PDK1: variants seen among roughly 807,000 people sequenced by gnomAD.
The protein encoded by PDK1 is pyruvate dehydrogenase kinase 1.
PDK1 carries 39 observed loss-of-function variants against 54.2 expected under a neutral mutation model. That is an observed-to-expected ratio of 0.72 (90% CI 0.56 to 0.94). PDK1 has a LOEUF of 0.94. Ranked by LOEUF, PDK1 falls within the 40% of genes least tolerant of loss-of-function variation. The pLI is 0.00. For missense variants in PDK1, 552 were observed against 566.0 expected, an observed-to-expected ratio of 0.98 and a Z score of 0.25; for synonymous variants, 221 against 207.1, an observed-to-expected ratio of 1.07 and a Z score of -0.58.
At chr2:172,701,643 GTTTTGTTT>G in the PDK1 span, among the ~76,000 whole-genome samples, 7 of 47,428 alleles carry the variant, frequency 1.5e-4, no homozygotes, top group African/African-American at 6.9e-4. Context: ...TTTTTTTTTT[GTTTTGTTT>G]TTTTTTTTTT....
Position 172,556,222 on chromosome 2 carries a change from C to T in PDK1, c.72C>T (p.Phe24=), listed in dbSNP as rs1051781294. 17 of 1,432,002 alleles carry T rather than the reference C, an allele frequency of 1.2e-5. No individual in the cohort carries two copies. The African/African-American group carries it at 2.4e-4, about 20-fold the overall frequency. 88.7% of individuals were successfully genotyped at this position (1,432,002 alleles called of 1,614,324 possible). The change falls in exon 1 of 11, where the codon TTC becomes TTT. Residue 24 remains phenylalanine (F), a synonymous_variant. Coordinates refer to ENST00000282077, the MANE Select transcript of PDK1 (RefSeq NM_002610.5). ...GCCCGGGGCTGCGCGCCGCCGGCTT[C>T]AGCCGCAGCTTCAGCTCGGACTCGG... ...GPGPGLRAAG[F]SRSFSSDSGS...
chr2:172,613,265 T>G (rs940573836), downstream of PDK1, among the ~76,000 whole-genome samples: 1 of 152,170 alleles, frequency 6.6e-6, no homozygotes, highest in Non-Finnish European at 1.5e-5. Context: ...GGTGTGGCCT[T>G]GCGTTGAAAG....
the PDK1 span, among the ~76,000 whole-genome samples, chr2:172,644,941 G>T: frequency 8.6e-6 from 1 of 116,200 alleles, no homozygotes; most frequent in African/African-American, 2.8e-5. Flanking sequence ...TTTCTTATCT[G>T]TAAAATACAG....
At chr2:172,679,451 C>T in the PDK1 span, among the ~76,000 whole-genome samples, 1 of 151,928 alleles carries the variant, frequency 6.6e-6, no homozygotes, top group Non-Finnish European at 1.5e-5. Flanking sequence ...TGTCTCTTAA[C>T]AACAACAACA....
the PDK1 span, among the ~76,000 whole-genome samples, chr2:172,693,454 A>G: frequency 6.6e-6 from 1 of 152,226 alleles, no homozygotes; most frequent in Admixed American, 6.5e-5. Context: ...AAGTGGTAAT[A>G]ATGTTAGCAT....
At chr2:172,628,524 A>G in the PDK1 span, among the ~76,000 whole-genome samples, 1 of 152,152 alleles carries the variant, frequency 6.6e-6, no homozygotes, top group Non-Finnish European at 1.5e-5. Flanking sequence ...GTCAGTAGGT[A>G]CCAGGCAAGA....
chr2:172,700,732 G>C, the PDK1 span, among the ~76,000 whole-genome samples: 1 of 152,128 alleles, frequency 6.6e-6, no homozygotes, highest in Non-Finnish European at 1.5e-5. Flanking sequence ...CTGAGTGAGC[G>C]AGACTCCATT....
At chr2:172,668,922 G>T in the PDK1 span, among the ~76,000 whole-genome samples, 3 of 146,544 alleles carry the variant, frequency 2.0e-5, no homozygotes, top group South Asian at 4.3e-4. Context: ...GAGAGAGAGA[G>T]AGAGAGAGAG....
the PDK1 span, among the ~76,000 whole-genome samples, chr2:172,642,790 C>CCTCCTCCTCCCA: frequency 1.8e-5 from 2 of 114,046 alleles, no homozygotes; most frequent in African/African-American, 5.7e-5. Flanking sequence ...TCCTCCCACT[C>CCTCCTCCTCCCA]CTCCTCCTCC....
At chr2:172,587,230 T>C (rs1214940810) in intron 9 of PDK1, among the ~76,000 whole-genome samples, 2 of 152,192 alleles carry the variant, frequency 1.3e-5, no homozygotes, top group African/African-American at 2.4e-5. Flanking sequence ...AGATGGTGTA[T>C]CCAGAGTTAC....
chr2:172,622,681 T>C, the PDK1 span, among the ~76,000 whole-genome samples: 1 of 124,842 alleles, frequency 8.0e-6, no homozygotes, highest in African/African-American at 2.8e-5. Flanking sequence ...TCTCATATAT[T>C]ATGTGAGATA....
intron 8 of PDK1, among the ~76,000 whole-genome samples, chr2:172,577,460 A>G (rs1689640170): frequency 6.6e-6 from 1 of 152,062 alleles, no homozygotes; most frequent in Non-Finnish European, 1.5e-5. Context: ...ATTAACAGTA[A>G]TTTTGGTTTA....
intron 8 of PDK1, among the ~76,000 whole-genome samples, chr2:172,580,637 G>T (rs955568368): frequency 7.2e-5 from 11 of 152,004 alleles, no homozygotes; most frequent in Non-Finnish European, 1.5e-5. Flanking sequence ...GAATATTTAG[G>T]CAAAACCTTA....
the PDK1 span, among the ~76,000 whole-genome samples, chr2:172,702,475 T>TAA: frequency 7.1e-6 from 1 of 141,236 alleles, no homozygotes; most frequent in Admixed American, 7.2e-5. Context: ...AGACTTTGTT[T>TAA]AAAAAAAAAA....
chr2:172,564,394 T>G, intron 3 of PDK1, 109 bp from the exon 4 acceptor site: 1 of 801,166 alleles, frequency 1.2e-6, no homozygotes, highest in Non-Finnish European at 2.0e-6. Context: ...CCGATTTTCC[T>G]TTTATTAAAT....
At chr2:172,625,615 A>T in the PDK1 span, among the ~76,000 whole-genome samples, 1 of 152,134 alleles carries the variant, frequency 6.6e-6, no homozygotes, top group African/African-American at 2.4e-5. Flanking sequence ...TTTATCCAGT[A>T]AGCCTGCCTT....
the PDK1 span, among the ~76,000 whole-genome samples, chr2:172,712,436 T>C: frequency 6.6e-6 from 1 of 152,168 alleles, no homozygotes; most frequent in Non-Finnish European, 1.5e-5. Flanking sequence ...TCCGATCCCA[T>C]GGCTGCCAAG....
the PDK1 span, among the ~76,000 whole-genome samples, chr2:172,616,289 T>C: frequency 2.0e-5 from 3 of 152,162 alleles, no homozygotes; most frequent in East Asian, 5.8e-4. Flanking sequence ...TTTGGAATGC[T>C]AAAAACAACT....
chr2:172,658,539 G>A, the PDK1 span, among the ~76,000 whole-genome samples: 1 of 152,208 alleles, frequency 6.6e-6, no homozygotes, highest in South Asian at 2.1e-4. Flanking sequence ...CAACCATAAG[G>A]TCTCACTGCC....
Sources: gnomAD v4.1 joint callset for allele counts (sites outside exome capture counted in the v4.1 genomes callset) on GRCh38, gnomAD v4.1.1 for gene constraint, MANE v1.5 for transcripts, NCBI Gene and HGNC (gene_info 2026-07-23, HGNC 2026-07-21) for gene names.